Variants in CDH18 observed in about 807,000 individuals in gnomAD.
CDH18 encodes the protein cadherin-18.
Under a neutral mutation model 67.9 loss-of-function variants are expected in CDH18, and 31 were observed. The observed-to-expected ratio is 0.46, with a 90% CI of 0.34 to 0.62. The LOEUF (loss-of-function observed/expected upper bound fraction) is 0.62. Ranked by LOEUF, CDH18 falls within the 20% of genes least tolerant of loss-of-function variation. The pLI is 0.01. For missense variants in CDH18, 890 were observed against 975.5 expected (o/e 0.91, Z 1.17); for synonymous variants, 362 against 347.2 (o/e 1.04, Z -0.48).
rs78124481 is a variant in CDH18 at position 20,344,757 on chromosome 5, G to T, written c.-579-89252C>A. 4.2e-3 allele frequency among the ~76,000 whole-genome samples: 644 copies of T among 152,132 alleles called. 1 individual carries two copies. The highest frequency in any genetic ancestry group is 0.014 in the African/African-American group (600 of 41,504). Reference sequence around the variant, plus strand: ...GGTGAGAAACACCCCTTCAAAGACAGGTTTGAGCCCCTTTGCCTCCACTAG... The same window carrying T: ...GGTGAGAAACACCCCTTCAAAGACATGTTTGAGCCCCTTTGCCTCCACTAG... On this transcript the variant is annotated intron_variant, in intron 1 of 14. Coordinates refer to the CDH18 transcript ENST00000507958.
At chr5:20,359,890 A>G (rs764619255) in intron 1 of CDH18, among the ~76,000 whole-genome samples, 100 of 151,860 alleles carry the variant, frequency 6.6e-4, no homozygotes, top group Non-Finnish European at 1.2e-3. Flanking sequence ...AGTTATTATT[A>G]TTTATAACTT....
chr5:19,721,503 G>GCATTTAGCA (rs1168206304), intron 4 of CDH18, 37 bp from the exon 5 acceptor site: 16 of 1,584,744 alleles, frequency 1.0e-5, no homozygotes, highest in Admixed American at 5.1e-5. Flanking sequence ...GTGTGTGATG[G>GCATTTAGCA]CATTTAGCAT....
chr5:20,063,697 T>C (rs1742706747), intron 2 of CDH18, among the ~76,000 whole-genome samples: 1 of 152,204 alleles, frequency 6.6e-6, no homozygotes, highest in African/African-American at 2.4e-5. Flanking sequence ...AGGCACTGTC[T>C]TGAGGCCATA....
intron 8 of CDH18, among the ~76,000 whole-genome samples, chr5:19,553,921 A>G (rs1053176941): frequency 6.6e-6 from 1 of 152,088 alleles, no homozygotes; most frequent in African/African-American, 2.4e-5. Flanking sequence ...GGTGTGAGCC[A>G]AAACGCCTGA....
chr5:20,430,513 A>G (rs1214723267), intron 1 of CDH18, among the ~76,000 whole-genome samples: 2 of 152,210 alleles, frequency 1.3e-5, no homozygotes, highest in Non-Finnish European at 1.5e-5. Context: ...ATGACCTTGG[A>G]AAGTTGCTTA....
intron 1 of CDH18, among the ~76,000 whole-genome samples, chr5:20,332,642 A>T (rs1308673105): frequency 6.6e-6 from 1 of 152,244 alleles, no homozygotes; most frequent in Non-Finnish European, 1.5e-5. Flanking sequence ...TACCTAAAAC[A>T]TATTTCTAGT....
At position 20,299,405 on chromosome 5, in the gene CDH18, CACACACA is replaced by C. The variant is rs1747779049; in HGVS notation, c.-579-43907_-579-43901del. On this transcript the variant is annotated intron_variant, in intron 1 of 14. Coordinates refer to the CDH18 transcript ENST00000507958. ...AGCCCCAAATCATCAACATTAGCTACACACACACACACACACACACACACACACACAC... is the reference window on the plus strand; with the variant it reads ...AGCCCCAAATCATCAACATTAGCTACCACACACACACACACACACACACAC... Among the ~76,000 whole-genome samples, 3 of 964 alleles carry C rather than the reference CACACACA, an allele frequency of 3.1e-3. No homozygotes were observed. The East Asian group carries it at 0.094, about 30-fold the overall frequency. 0.6% of individuals were successfully genotyped at this position (964 alleles called of 152,430 possible). A position where few individuals can be genotyped will look rare whatever the true frequency, so the allele number is the denominator to read the frequency against.
chr5:19,489,430 G>A (rs970688172), intron 11 of CDH18, among the ~76,000 whole-genome samples: 2 of 151,748 alleles, frequency 1.3e-5, no homozygotes, highest in Non-Finnish European at 2.9e-5. Context: ...TGTATTTTTA[G>A]TAGAGACAGG....
At chr5:20,214,750 T>C (rs1299497893) in intron 2 of CDH18, among the ~76,000 whole-genome samples, 1 of 151,894 alleles carries the variant, frequency 6.6e-6, no homozygotes, top group Non-Finnish European at 1.5e-5. Flanking sequence ...GAAATACAAC[T>C]TAGGCAATAT....
At chr5:20,473,770 G>A (rs1400937504) in intron 1 of CDH18, among the ~76,000 whole-genome samples, 1 of 151,958 alleles carries the variant, frequency 6.6e-6, no homozygotes, top group African/African-American at 2.4e-5. Context: ...CTTGGTTATT[G>A]TTGTGGTTGC....
At position 20,548,439 on chromosome 5, in the gene CDH18, T is replaced by TTGTGTGTGTGTG. The variant is rs70954668; in HGVS notation, c.-580+27011_-580+27022dup. Reference sequence around the variant, plus strand: ...GATTGTCAGGTAATAGAGAACATGTTTGTGTGTGTGTGTGTGTGTGTGTGT... The same window carrying TTGTGTGTGTGTG: ...GATTGTCAGGTAATAGAGAACATGTTTGTGTGTGTGTGTGTGTGTGTGTGTGTGTGTGTGTGT... On this transcript the variant is annotated intron_variant, in intron 1 of 14. Coordinates refer to the CDH18 transcript ENST00000507958. 1.6e-4 allele frequency among the ~76,000 whole-genome samples: 24 copies of TTGTGTGTGTGTG among 146,840 alleles called. No individual in the cohort carries two copies. In the East Asian group the frequency reaches 3.1e-3, roughly 19 times the overall value.
chr5:20,535,670 G>T (rs1005994587), intron 1 of CDH18, among the ~76,000 whole-genome samples: 1 of 152,052 alleles, frequency 6.6e-6, no homozygotes, highest in African/African-American at 2.4e-5. Context: ...CCTCCCGGCT[G>T]CTGGGATCAT....
chr5:19,738,595 T>A (rs1451344262), intron 4 of CDH18, among the ~76,000 whole-genome samples: 1 of 152,218 alleles, frequency 6.6e-6, no homozygotes, highest in Admixed American at 6.5e-5. Context: ...TGTGGTACAA[T>A]TTATGCAGAA....
chr5:20,141,722 T>G (rs1487596468), intron 2 of CDH18, among the ~76,000 whole-genome samples: 1 of 152,080 alleles, frequency 6.6e-6, no homozygotes, highest in African/African-American at 2.4e-5. Context: ...GGACATGACT[T>G]GGCAGGGAAA....
intron 2 of CDH18, among the ~76,000 whole-genome samples, chr5:20,216,491 T>TCACTCTTTTA (rs1434728964): frequency 6.6e-6 from 1 of 151,992 alleles, no homozygotes; most frequent in Non-Finnish European, 1.5e-5. Context: ...AGATAGAAAG[T>TCACTCTTTTA]CACTCTTTTA....
chr5:20,210,835 A>T (rs972274620), intron 2 of CDH18, among the ~76,000 whole-genome samples: 8 of 152,042 alleles, frequency 5.3e-5, no homozygotes, highest in African/African-American at 1.9e-4. Flanking sequence ...AAACAATTTT[A>T]TAAGAAATAT....
intron 4 of CDH18, among the ~76,000 whole-genome samples, chr5:19,737,916 A>AGAAAGAAACAAC (rs1181365014): frequency 6.6e-6 from 1 of 152,152 alleles, no homozygotes; most frequent in African/African-American, 2.4e-5. Flanking sequence ...TTCCTCAGTA[A>AGAAAGAAACAAC]GAAAGAAACA....
At chr5:20,172,214 ATATATATATGTATATATATATATATG>A (rs1228216626) in intron 2 of CDH18, among the ~76,000 whole-genome samples, 100 of 32,852 alleles carry the variant, frequency 3.0e-3, no homozygotes, top group African/African-American at 0.012. Flanking sequence ...ATATATATAT[ATATATATATGTATATATATATATATG>A]TATATATATA....
intron 1 of CDH18, among the ~76,000 whole-genome samples, chr5:20,394,579 A>G (rs1281055286): frequency 6.6e-6 from 1 of 152,108 alleles, no homozygotes; most frequent in Non-Finnish European, 1.5e-5. Context: ...AAAAGTAAAT[A>G]CATGGGACCT....
Sources: gnomAD v4.1 joint callset for allele counts (sites outside exome capture counted in the v4.1 genomes callset) on GRCh38, gnomAD v4.1.1 for gene constraint, MANE v1.5 for transcripts, NCBI Gene and HGNC (gene_info 2026-07-23, HGNC 2026-07-21) for gene names.